Variants in LRP6 observed in about 807,000 individuals in gnomAD.
The protein encoded by LRP6 is low-density lipoprotein receptor-related protein 6.
A neutral mutation model predicts 184.1 loss-of-function variants in LRP6; 43 were observed. That is an observed-to-expected ratio of 0.23 (90% confidence interval 0.18 to 0.30). The LOEUF (loss-of-function observed/expected upper bound fraction) is 0.30, where lower values mean the gene tolerates loss of function less well. Ranked by LOEUF, LRP6 falls within the 10% of genes least tolerant of loss-of-function variation. The pLI is 1.00. For missense variants in LRP6, 1,571 were observed against 2,005.3 expected, an observed-to-expected ratio of 0.78 and a Z score of 4.14; for synonymous variants, 719 against 684.9, an observed-to-expected ratio of 1.05 and a Z score of -0.78.
intron 8 of LRP6, 104 bp downstream of exon 8, chr12:12,164,975 A>G: frequency 1.4e-6 from 1 of 731,634 alleles, no homozygotes; most frequent in Non-Finnish European, 2.4e-6. Flanking sequence ...GCAGTAAAGA[A>G]GGTTTCAAAA....
chr12:12,229,886 AAGAG>A (rs1232783221), intron 2 of LRP6, among the ~76,000 whole-genome samples: 1 of 152,224 alleles, frequency 6.6e-6, no homozygotes, highest in Non-Finnish European at 1.5e-5. Flanking sequence ...GCTTTGAATT[AAGAG>A]AGAATGAACA....
At chr12:12,131,342 T>C (rs1434319504) in intron 18 of LRP6, among the ~76,000 whole-genome samples, 1 of 151,632 alleles carries the variant, frequency 6.6e-6, no homozygotes, top group Non-Finnish European at 1.5e-5. Context: ...TCTCCTGACC[T>C]CGTGATCCGC....
chr12:12,254,181 G>C (rs569881295), intron 1 of LRP6, among the ~76,000 whole-genome samples: 1 of 142,146 alleles, frequency 7.0e-6, no homozygotes, highest in African/African-American at 2.5e-5. Flanking sequence ...AAAGAAAAAG[G>C]AAAACTACTA....
chr12:12,245,996 C>CT (rs71061029), intron 1 of LRP6, among the ~76,000 whole-genome samples: 11,270 of 90,130 alleles, frequency 0.13, 991 homozygotes, highest in African/African-American at 0.21. Flanking sequence ...TTTATATAAA[C>CT]TTTTTTTTTT....
intron 17 of LRP6, among the ~76,000 whole-genome samples, chr12:12,133,715 T>C (rs1448171079): frequency 6.6e-6 from 1 of 151,992 alleles, no homozygotes; most frequent in Non-Finnish European, 1.5e-5. Flanking sequence ...TTAAAAGATA[T>C]TTTCAAACTG....
chr12:12,190,497 G>C (rs1408887527), intron 3 of LRP6, among the ~76,000 whole-genome samples: 3 of 152,178 alleles, frequency 2.0e-5, no homozygotes, highest in Non-Finnish European at 4.4e-5. Flanking sequence ...GTCACATTCT[G>C]CAACTTACTG....
chr12:12,237,561 C>T (rs1424342194), intron 2 of LRP6, among the ~76,000 whole-genome samples: 1 of 152,150 alleles, frequency 6.6e-6, no homozygotes, highest in Non-Finnish European at 1.5e-5. Context: ...CAGACAAAAC[C>T]ATAGCCAAGT....
chr12:12,244,779 CATT>C (rs1269893719), intron 1 of LRP6, 124 bp from the exon 2 acceptor site: 3 of 840,116 alleles, frequency 3.6e-6, no homozygotes, highest in East Asian at 5.3e-5. Flanking sequence ...ATAAATAAAT[CATT>C]AGGAGACCAT....
intron 21 of LRP6, among the ~76,000 whole-genome samples, 156 bp downstream of exon 21, chr12:12,125,140 G>A (rs951233488): frequency 1.3e-5 from 2 of 152,196 alleles, no homozygotes; most frequent in Non-Finnish European, 2.9e-5. Flanking sequence ...TATAAGCATG[G>A]ATGGTGGTGT....
Position 12,244,197 on chromosome 12 carries a change from T to C in LRP6, c.449+65A>G, listed in dbSNP as rs926826151. On this transcript the variant is annotated intron_variant, in intron 2 of 22. Transcript: ENST00000261349. ...TCTTTTCTCATAGGGGTCAGGGTGG[T>C]GTATGTCAGTGGAGAAAAACCGAAA... The C allele has an allele frequency of 2.0e-6, 3 of 1,490,446 alleles. No homozygotes were observed. The African/African-American group carries it at 4.1e-5, about 21-fold the overall frequency. 92.3% of individuals were successfully genotyped at this position (1,490,446 alleles called of 1,614,324 possible).
intron 2 of LRP6, among the ~76,000 whole-genome samples, chr12:12,219,697 T>C (rs893156528): frequency 6.6e-6 from 1 of 152,218 alleles, no homozygotes; most frequent in African/African-American, 2.4e-5. Context: ...TCGAATCCAC[T>C]TTCCTATGTT....
rs181018852 is a variant in LRP6 at position 12,198,626 on chromosome 12, C to T, written c.647+4577G>A. Among the ~76,000 whole-genome samples the T allele has an allele frequency of 3.5e-3, 519 of 150,098 alleles. 8 individuals are homozygous for T. The highest frequency in any genetic ancestry group is 5.3e-3 in the Non-Finnish European group (358 of 67,722). On this transcript the variant is annotated intron_variant, in intron 3 of 22. Transcript: ENST00000261349. ...TTGGCTCACTGCAACCTCTGCCTCCCGGATTCAAGCGATTCTACTGCCTCA... is the reference window on the plus strand; with the variant it reads ...TTGGCTCACTGCAACCTCTGCCTCCTGGATTCAAGCGATTCTACTGCCTCA...
At chr12:12,248,172 A>G (rs1221013211) in intron 1 of LRP6, among the ~76,000 whole-genome samples, 1 of 152,192 alleles carries the variant, frequency 6.6e-6, no homozygotes, top group Admixed American at 6.5e-5. Context: ...CTTTCGGTTC[A>G]GCCTCCTTAC....
At position 12,121,437 on chromosome 12, in the gene LRP6, A is replaced by G; in HGVS notation, c.4548-17T>C. 1.9e-6 allele frequency: 3 copies of G among 1,613,042 alleles called. No homozygotes were observed. The highest frequency in any genetic ancestry group is 2.5e-6 in the Non-Finnish European group (3 of 1,179,070). ...GGCCTGTAGCTGGTATAGGGAGAAA[A>G]TAAAGAGAAGCAGTTAGTTTTACAA... On this transcript the variant is annotated splice_polypyrimidine_tract_variant and intron_variant, in intron 22 of 22. Coordinates refer to ENST00000261349, the MANE Select transcript of LRP6 (RefSeq NM_002336.3).
Position 12,135,320 on chromosome 12 carries a change from G to C in LRP6, c.3608-20C>G. The C allele has an allele frequency of 1.2e-6, 2 of 1,604,100 alleles. No individual in the cohort carries two copies. The highest frequency in any genetic ancestry group is 1.1e-5 in the South Asian group (1 of 90,856). Reference sequence around the variant, plus strand: ...GCTGTCCTGCAAAGAGAAGAGGTGAGGATGGGGAGAGGAGGGGGAGTGGAG... The same window carrying C: ...GCTGTCCTGCAAAGAGAAGAGGTGACGATGGGGAGAGGAGGGGGAGTGGAG... On this transcript the variant is annotated intron_variant, in intron 16 of 22. Coordinates refer to ENST00000261349, the MANE Select transcript of LRP6 (RefSeq NM_002336.3).
At chr12:12,207,520 AAAT>A (rs1417072511) in intron 2 of LRP6, among the ~76,000 whole-genome samples, 4 of 151,934 alleles carry the variant, frequency 2.6e-5, no homozygotes, top group Non-Finnish European at 2.9e-5. Context: ...TCCGTCAAAA[AAAT>A]AATAATAATA....
At chr12:12,220,160 C>T (rs540799148) in intron 2 of LRP6, among the ~76,000 whole-genome samples, 51 of 152,098 alleles carry the variant, frequency 3.4e-4, no homozygotes, top group Non-Finnish European at 4.6e-4. Context: ...TGGTGGCACA[C>T]GCCTGCAGTC....
intron 1 of LRP6, chr12:12,249,296 G>C (rs555018287): frequency 8.9e-7 from 1 of 1,128,636 alleles, no homozygotes; most frequent in Non-Finnish European, 1.3e-6. Flanking sequence ...GTGGACCCAA[G>C]AGCCATATCA....
intron 2 of LRP6, among the ~76,000 whole-genome samples, chr12:12,243,441 T>C (rs1314078072): frequency 1.3e-5 from 2 of 152,306 alleles, no homozygotes; most frequent in African/African-American, 4.8e-5. Context: ...GTGTATATAA[T>C]AAAAGGTATA....
Sources: allele counts gnomAD v4.1 joint callset (sites outside exome capture counted in the v4.1 genomes callset), GRCh38; gene constraint gnomAD v4.1.1; transcripts MANE v1.5; gene names NCBI Gene and HGNC (gene_info 2026-07-23, HGNC 2026-07-21).